The following PELI1 variants were observed in gnomAD, a reference collection of about 807,000 sequenced individuals.
PELI1 encodes E3 ubiquitin-protein ligase pellino homolog 1.
PELI1 carries 15 observed loss-of-function variants against 41.3 expected under a neutral mutation model. The ratio of observed to expected loss-of-function variants is 0.36; its 90% confidence interval spans 0.24 to 0.56. The LOEUF (loss-of-function observed/expected upper bound fraction) is 0.56, where lower values mean the gene tolerates loss of function less well. PELI1 is among the 20% of genes least tolerant of loss of function. The pLI is 0.82. For synonymous variants in PELI1, 178 were observed against 180.1 expected (o/e 0.99, Z 0.09); for missense variants, 403 against 525.5 (o/e 0.77, Z 2.28).
chr2:64,118,316 C>CTTTTGGGG (rs1681071733), intron 1 of PELI1, among the ~76,000 whole-genome samples: 3 of 152,158 alleles, frequency 2.0e-5, no homozygotes, highest in African/African-American at 4.8e-5. Flanking sequence ...CCCAAAATTA[C>CTTTTGGGG]AACTTTTCTC....
chr2:64,129,605 T>C (rs2103733095), intron 1 of PELI1, among the ~76,000 whole-genome samples: 1 of 152,272 alleles, frequency 6.6e-6, no homozygotes, highest in African/African-American at 2.4e-5. Flanking sequence ...ATATTATTTC[T>C]TTTTTTGTGA....
chr2:64,092,819 C>T lies in PELI1; in HGVS notation c.*1883G>A, dbSNP rs1680099510. ...GTTTTCACTTCTGGTTTCTCATTCT[C>T]GATTATGCAAAAATGAACTCACAGA... is the stretch of plus-strand genomic sequence containing the variant. On this transcript the variant is annotated 3_prime_UTR_variant, in exon 7 of 7. Transcript: ENST00000358912. The T allele has an allele frequency of 6.6e-6, 1 of 152,014 alleles. No homozygotes were observed. The highest frequency in any genetic ancestry group is 2.4e-5 in the African/African-American group (1 of 41,370). The allele number at this position is 152,014 out of a possible 1,614,324, so 9.4% of individuals were successfully genotyped here. A position where few individuals can be genotyped will look rare whatever the true frequency, so the allele number is the denominator to read the frequency against.
At position 64,125,827 on chromosome 2, in the gene PELI1, G is replaced by A. The variant is rs569612349; in HGVS notation, c.-69-17448C>T. ...TGAAATTTTTGAGCAACACGACATC[G>A]TAAGTGGAAAATTCCACATGTAAGT... On this transcript the variant is annotated intron_variant, in intron 1 of 6. Coordinates refer to ENST00000358912, the MANE Select transcript of PELI1 (RefSeq NM_020651.4). Among the ~76,000 whole-genome samples the A allele has an allele frequency of 2.0e-5, 3 of 152,290 alleles. No homozygotes were observed. In the East Asian group the frequency reaches 5.8e-4, roughly 29 times the overall value.
chr2:64,111,524 T>C (rs535900689), intron 1 of PELI1, among the ~76,000 whole-genome samples: 1 of 152,318 alleles, frequency 6.6e-6, no homozygotes, highest in East Asian at 1.9e-4. Flanking sequence ...ACCCTAGATA[T>C]ATTTGCTTTT....
chr2:64,136,922 GA>G (rs965899639), intron 1 of PELI1, among the ~76,000 whole-genome samples: 2 of 152,062 alleles, frequency 1.3e-5, no homozygotes, highest in African/African-American at 4.8e-5. Flanking sequence ...CAAAACAAAT[GA>G]AAACGTTGTG....
At position 64,104,681 on chromosome 2, in the gene PELI1, CTTTTTTT is replaced by C; in HGVS notation, c.201+13_201+19del. The C allele has an allele frequency of 2.7e-6, 4 of 1,465,622 alleles. No homozygotes were observed. The highest frequency in any genetic ancestry group is 2.8e-5 in the South Asian group (2 of 71,248). 90.8% of individuals were successfully genotyped at this position (1,465,622 alleles called of 1,614,324 possible). On this transcript the variant is annotated intron_variant, in intron 3 of 6. Coordinates refer to ENST00000358912, the MANE Select transcript of PELI1 (RefSeq NM_020651.4). The stretch of plus-strand genomic sequence containing the variant: ...AAATTCTCCAAGTTAATTTATGTAG[CTTTTTTT>C]TTTTTTTTTTACCTTTGCAGCCTGA...
At chr2:64,127,441 A>G (rs1369204116) in intron 1 of PELI1, among the ~76,000 whole-genome samples, 4 of 152,214 alleles carry the variant, frequency 2.6e-5, no homozygotes, top group African/African-American at 9.6e-5. Context: ...ATGCTTTAGT[A>G]GATCATAACA....
At chr2:64,131,977 A>T (rs1376083178) in intron 1 of PELI1, among the ~76,000 whole-genome samples, 1 of 152,188 alleles carries the variant, frequency 6.6e-6, no homozygotes, top group East Asian at 1.9e-4. Flanking sequence ...GAAAGAAAAC[A>T]GAGGTCTTTT....
At chr2:64,134,452 G>A (rs1681653221) in intron 1 of PELI1, among the ~76,000 whole-genome samples, 1 of 152,102 alleles carries the variant, frequency 6.6e-6, no homozygotes, top group Non-Finnish European at 1.5e-5. Flanking sequence ...TATTTTAAAT[G>A]AAAGTAACAG....
chr2:64,092,772 G>A lies in PELI1; in HGVS notation c.*1930C>T, dbSNP rs940373508. On this transcript the variant is annotated 3_prime_UTR_variant, in exon 7 of 7. Coordinates refer to ENST00000358912, the MANE Select transcript of PELI1 (RefSeq NM_020651.4). ...TCTATTTCAAATGAGTATTTTTGGAGTGTGGAATAGAGTTGTTCACAGTTT... is the reference window on the plus strand; with the variant it reads ...TCTATTTCAAATGAGTATTTTTGGAATGTGGAATAGAGTTGTTCACAGTTT... 1 of 151,046 alleles carries A rather than the reference G, an allele frequency of 6.6e-6. No homozygotes were observed. The highest frequency in any genetic ancestry group is 2.5e-5 in the African/African-American group (1 of 40,486). The allele number at this position is 151,046 out of a possible 1,614,324, so 9.4% of individuals were successfully genotyped here.
chr2:64,096,649 G>A (rs746318768), intron 4 of PELI1, 39 bp from the exon 5 acceptor site: 3 of 1,351,890 alleles, frequency 2.2e-6, no homozygotes. Context: ...CCCATTCAAA[G>A]AGCACAGTGG....
intron 1 of PELI1, among the ~76,000 whole-genome samples, chr2:64,122,037 C>A (rs1236827350): frequency 6.6e-6 from 1 of 151,492 alleles, no homozygotes; most frequent in Non-Finnish European, 1.5e-5. Flanking sequence ...TTTAAAAAGA[C>A]AACTTTCTTT....
chr2:64,133,168 G>T (rs17028503), intron 1 of PELI1, among the ~76,000 whole-genome samples: 3,468 of 152,064 alleles, frequency 0.023, 113 homozygotes, highest in African/African-American at 0.077. Context: ...ACTAAACATT[G>T]TTATTTGTTA....
intron 1 of PELI1, among the ~76,000 whole-genome samples, chr2:64,126,308 C>A (rs968360819): frequency 6.6e-6 from 1 of 152,168 alleles, no homozygotes; most frequent in South Asian, 2.1e-4. Context: ...GGACTACAGG[C>A]ACACACCACC....
chr2:64,138,507 A>T (rs576658979), intron 1 of PELI1, among the ~76,000 whole-genome samples: 1 of 152,178 alleles, frequency 6.6e-6, no homozygotes, highest in African/African-American at 2.4e-5. Flanking sequence ...GTAGGTGATC[A>T]CCTGAGGTCA....
intron 3 of PELI1, 125 bp downstream of exon 3, chr2:64,104,576 C>T: frequency 7.4e-7 from 1 of 1,353,756 alleles, no homozygotes; most frequent in Non-Finnish European, 9.5e-7. Context: ...GTCTCTTCTC[C>T]AATCCAAACA....
intron 1 of PELI1, among the ~76,000 whole-genome samples, chr2:64,142,829 A>G (rs1045932664): frequency 2.0e-5 from 3 of 152,228 alleles, no homozygotes; most frequent in Non-Finnish European, 4.4e-5. Context: ...CATATTCGAC[A>G]CAGTAAAGGA....
At chr2:64,135,960 T>C (rs1681703350) in intron 1 of PELI1, among the ~76,000 whole-genome samples, 2 of 152,256 alleles carry the variant, frequency 1.3e-5, no homozygotes, top group South Asian at 2.1e-4. Flanking sequence ...TCCATACTTA[T>C]ATTTACTATT....
chr2:64,125,771 C>T (rs545849104), intron 1 of PELI1, among the ~76,000 whole-genome samples: 3 of 152,288 alleles, frequency 2.0e-5, no homozygotes, highest in Admixed American at 1.3e-4. Context: ...TTGAACAACC[C>T]GAATCTGAAT....
Sources: allele counts gnomAD v4.1 joint callset (sites outside exome capture counted in the v4.1 genomes callset), GRCh38; gene constraint gnomAD v4.1.1; transcripts MANE v1.5; gene names NCBI Gene and HGNC (gene_info 2026-07-23, HGNC 2026-07-21).